DMD: variants seen among roughly 807,000 people sequenced by gnomAD.
DMD encodes mutant dystrophin.
A neutral mutation model predicts 330.1 loss-of-function variants in DMD; 63 were observed. The ratio of observed to expected loss-of-function variants is 0.19; its 90% CI spans 0.16 to 0.24. The LOEUF (loss-of-function observed/expected upper bound fraction) is 0.24, where lower values mean the gene tolerates loss of function less well. DMD is among the 10% of genes least tolerant of loss of function. DMD has a pLI of 1.00. For synonymous variants in DMD, 1,223 were observed against 959.8 expected, an observed-to-expected ratio of 1.27 and a Z score of -5.07; for missense variants, 3,344 against 2,684.1, an observed-to-expected ratio of 1.25 and a Z score of -5.43.
At position 31,154,458 on chromosome X, in the gene DMD, T is replaced by TTG. The variant is rs774922863; in HGVS notation, c.10554-6941_10554-6940insCA. On this transcript the variant is annotated intron_variant, in intron 74 of 78. Coordinates refer to ENST00000357033, the MANE Select transcript of DMD (RefSeq NM_004006.3). ...CAGGTGCCCGCCACCACGCCCGGCT[T>TTG]TTTTTTTTTGTATTTTTAGTAGAGA... Among the ~76,000 whole-genome samples the TTG allele has an allele frequency of 9.5e-3, 993 of 104,258 alleles. 10 individuals are homozygous for TTG. The highest frequency in any genetic ancestry group is 0.032 in the African/African-American group (937 of 28,878). 90.5% of individuals were successfully genotyped at this position (104,258 alleles called of 115,157 possible).
At chrX:32,119,426 T>C (rs1461492391) in intron 44 of DMD, among the ~76,000 whole-genome samples, 1 of 110,652 alleles carries the variant, frequency 9.0e-6, no homozygotes, top group African/African-American at 3.3e-5. Flanking sequence ...GTATGTATAT[T>C]GAACTGTATC....
At chrX:31,267,029 C>T in intron 62 of DMD, 1 of 509,267 alleles carries the variant, frequency 2.0e-6, no homozygotes, top group East Asian at 4.5e-5. Flanking sequence ...GGCTCCGCCC[C>T]CACCTAGGGA....
intron 61 of DMD, among the ~76,000 whole-genome samples, chrX:31,330,194 C>T (rs1308819580): frequency 9.6e-6 from 1 of 104,433 alleles, no homozygotes; most frequent in Non-Finnish European, 1.9e-5. Context: ...ATAATTATAC[C>T]CCAAGAAAGC....
At chrX:32,131,971 C>T (rs948430223) in intron 44 of DMD, among the ~76,000 whole-genome samples, 1 of 111,198 alleles carries the variant, frequency 9.0e-6, no homozygotes, top group African/African-American at 3.3e-5. Context: ...ACTGAGAGAT[C>T]AATGGAGATG....
chrX:32,956,930 G>T (rs1270221071), intron 2 of DMD, among the ~76,000 whole-genome samples: 1 of 111,632 alleles, frequency 9.0e-6, no homozygotes, highest in Non-Finnish European at 1.9e-5. Context: ...ATATTTAGTG[G>T]ACAAAGGGCT....
chrX:31,593,647 C>T (rs6631352), intron 55 of DMD, among the ~76,000 whole-genome samples: 2 of 110,627 alleles, frequency 1.8e-5, no homozygotes, highest in Non-Finnish European at 3.8e-5. Context: ...GCTTTTTCCT[C>T]GACTTTATAG....
At chrX:32,752,927 C>T (rs1456542286) in intron 7 of DMD, among the ~76,000 whole-genome samples, 1 of 110,967 alleles carries the variant, frequency 9.0e-6, no homozygotes, top group East Asian at 2.8e-4. Context: ...TGTGAGGCTT[C>T]CCCATCCACA....
chrX:31,293,216 T>TGAGTGTGTGTGTAGTCTGGTTTA (rs1569519888), intron 62 of DMD, among the ~76,000 whole-genome samples: 7 of 94,345 alleles, frequency 7.4e-5, no homozygotes, highest in African/African-American at 3.2e-4. Flanking sequence ...TGTGTGTGTG[T>TGAGTGTGTGTGTAGTCTGGTTTA]GTGTGTGTGT....
intron 13 of DMD, among the ~76,000 whole-genome samples, chrX:32,587,109 ACTATCCC>A (rs2054377113): frequency 9.0e-6 from 1 of 111,610 alleles, no homozygotes; most frequent in African/African-American, 3.3e-5. Flanking sequence ...TCTTTCTCAT[ACTATCCC>A]GAAGATATGT....
intron 63 of DMD, among the ~76,000 whole-genome samples, chrX:31,241,970 G>A (rs2048340896): frequency 9.0e-6 from 1 of 111,157 alleles, no homozygotes; most frequent in South Asian, 3.8e-4. Context: ...TTAAAAATCT[G>A]GAGTGGCCAG....
chrX:32,840,474 AAT>A (rs2080065324), intron 4 of DMD, among the ~76,000 whole-genome samples: 1 of 111,475 alleles, frequency 9.0e-6, no homozygotes, highest in Non-Finnish European at 1.9e-5. Context: ...CATATAGAAA[AAT>A]ATACATAAGT....
chrX:32,924,947 TA>T (rs2146614527), intron 2 of DMD, among the ~76,000 whole-genome samples: 1 of 110,358 alleles, frequency 9.1e-6, no homozygotes, highest in African/African-American at 3.3e-5. Flanking sequence ...GTGTTTAAAA[TA>T]AAATATTAAG....
chrX:32,197,835 C>T (rs780615799), intron 44 of DMD, among the ~76,000 whole-genome samples: 1 of 110,384 alleles, frequency 9.1e-6, no homozygotes, highest in South Asian at 3.9e-4. Flanking sequence ...TATTTTTTTG[C>T]GGTGAGAACA....
chrX:32,046,641 G>A (rs2096066146), intron 44 of DMD, among the ~76,000 whole-genome samples: 1 of 112,028 alleles, frequency 8.9e-6, no homozygotes, highest in Non-Finnish European at 1.9e-5. Context: ...CCAAGGCTTG[G>A]AGTTTGAAAC....
At chrX:32,491,566 A>T (rs777681028) in intron 19 of DMD, 48 bp from the exon 20 acceptor site, 1 of 1,152,242 alleles carries the variant, frequency 8.7e-7, no homozygotes, top group Admixed American at 2.3e-5. Flanking sequence ...CCACAGACTG[A>T]AAGAAATGAT....
intron 59 of DMD, among the ~76,000 whole-genome samples, chrX:31,470,005 G>T (rs1477813916): frequency 1.8e-5 from 2 of 110,942 alleles, no homozygotes; most frequent in Non-Finnish European, 3.8e-5. Context: ...CTCGTGCTGT[G>T]TTTCTCAGCT....
chrX:32,354,912 T>C (rs1288730345), intron 37 of DMD, among the ~76,000 whole-genome samples: 1 of 111,637 alleles, frequency 9.0e-6, no homozygotes, highest in African/African-American at 3.2e-5. Flanking sequence ...TATTGCCCTA[T>C]TTCATGATTA....
In DMD at chrX:31,393,810, C is replaced by T. The variant is rs144098727; in HGVS notation, c.9085-45176G>A. On this transcript the variant is annotated intron_variant, in intron 60 of 78. Transcript: ENST00000357033. Reference sequence around the variant, plus strand: ...CACCCCACACGTTGACTCCCAGACTCTGAAAATTTTCAGACTCTAAGCTTA... The same window carrying T: ...CACCCCACACGTTGACTCCCAGACTTTGAAAATTTTCAGACTCTAAGCTTA... Among the ~76,000 whole-genome samples, 12 of 112,052 alleles carry T rather than the reference C, an allele frequency of 1.1e-4. No individual in the cohort carries two copies. The East Asian group carries it at 3.4e-3, about 31-fold the overall frequency.
At chrX:32,622,257 A>G (rs1458917773) in intron 11 of DMD, among the ~76,000 whole-genome samples, 1 of 111,886 alleles carries the variant, frequency 8.9e-6, no homozygotes, top group Non-Finnish European at 1.9e-5. Context: ...AATTAACCTC[A>G]GAACAAGTTT....
Sources: gnomAD v4.1 joint callset for allele counts (sites outside exome capture counted in the v4.1 genomes callset) on GRCh38, gnomAD v4.1.1 for gene constraint, MANE v1.5 for transcripts, NCBI Gene and HGNC (gene_info 2026-07-23, HGNC 2026-07-21) for gene names.